Variants in POLA2 observed in about 807,000 individuals in gnomAD.
The protein encoded by POLA2 is DNA polymerase alpha subunit B.
Under a neutral mutation model 82.8 loss-of-function variants are expected in POLA2, and 47 were observed. The ratio of observed to expected loss-of-function variants is 0.57; its 90% CI spans 0.45 to 0.72. The LOEUF (loss-of-function observed/expected upper bound fraction) is 0.72. Among genes scored for constraint, POLA2 ranks in the 30% least tolerant of loss-of-function variants. The pLI is 0.00. For missense variants in POLA2, 634 were observed against 728.1 expected (o/e 0.87, Z 1.49); for synonymous variants, 287 against 286.8 (o/e 1.00, Z -0.01).
At chr11:65,287,147 G>C (rs1187935420) in intron 10 of POLA2, among the ~76,000 whole-genome samples, 1 of 152,158 alleles carries the variant, frequency 6.6e-6, no homozygotes, top group Non-Finnish European at 1.5e-5. Context: ...ACTGCCTTGT[G>C]GAGGGATGGG....
chr11:65,300,587 T>G (rs201940258), downstream of POLA2, among the ~76,000 whole-genome samples: 14 of 149,842 alleles, frequency 9.3e-5, no homozygotes, highest in Non-Finnish European at 1.6e-4. Flanking sequence ...TTGTTTGTTT[T>G]TTTGTTTGTT....
At chr11:65,279,829 C>T (rs910970422) in intron 7 of POLA2, 1 of 531,854 alleles carries the variant, frequency 1.9e-6, no homozygotes, top group Non-Finnish European at 3.3e-6. Context: ...TGATTTTCTT[C>T]CCACTTGGAT....
downstream of POLA2, among the ~76,000 whole-genome samples, chr11:65,302,930 T>C (rs1317718280): frequency 6.6e-6 from 1 of 151,962 alleles, no homozygotes; most frequent in East Asian, 1.9e-4. Context: ...TTCGCCACGT[T>C]GCCCAGGCCA....
Position 65,295,943 on chromosome 11 carries a change from A to T in POLA2, c.1600A>T (p.Thr534Ser), listed in dbSNP as rs1391128088. Residue 534 changes from threonine to serine, a missense_variant, in exon 17 of 18, where the codon ACC (threonine) becomes TCC (serine). Transcript: ENST00000265465. ...CTATGTTTACGCACAGCTGCCTGTC[A>T]CCCCAGATGTCCTCATCATCCCGTC... ...SFYVYAQLPV[T>S]PDVLIIPSEL... The T allele has an allele frequency of 6.2e-7, 1 of 1,614,152 alleles. No homozygotes were observed. The highest frequency in any genetic ancestry group is 1.1e-5 in the South Asian group (1 of 91,088).
Position 65,281,157 on chromosome 11 carries a change from GAGGAGTTCCACC to G in POLA2, c.900+13_900+24del, listed in dbSNP as rs1565480500. 6.2e-7 allele frequency: 1 copy of G among 1,613,486 alleles called. No individual in the cohort carries two copies. The highest frequency in any genetic ancestry group is 1.1e-5 in the South Asian group (1 of 91,028). On this transcript the variant is annotated intron_variant, in intron 8 of 17. Coordinates refer to ENST00000265465, the MANE Select transcript of POLA2 (RefSeq NM_002689.4). ...TCTGTTTCCTGGACAGGTGAGATTG[GAGGAGTTCCACC>G]AGAATGCAGGCGCACTCTTTACCCC...
chr11:65,267,630 T>C lies in POLA2; in HGVS notation c.296+62T>C, dbSNP rs563420616. On this transcript the variant is annotated intron_variant, in intron 3 of 17. Transcript: ENST00000265465. ...CATGTTGTATTTTATAATTTGTCTG[T>C]AGTCGCATGTGTAATTTAAAAACAA... 570 of 1,088,034 alleles carry C rather than the reference T, an allele frequency of 5.2e-4. 2 individuals carry two copies. The Middle Eastern group carries it at 0.011, about 22-fold the overall frequency. 67.4% of individuals were successfully genotyped at this position (1,088,034 alleles called of 1,614,324 possible). A position where few individuals can be genotyped will look rare whatever the true frequency, so the allele number is the denominator to read the frequency against.
intron 10 of POLA2, among the ~76,000 whole-genome samples, chr11:65,286,779 G>T (rs552622638): frequency 3.0e-4 from 45 of 152,194 alleles, no homozygotes; most frequent in Admixed American, 2.8e-3. Flanking sequence ...AAGAAGCCAG[G>T]GATCTTTGGA....
At chr11:65,290,890 G>C (rs1226147479) in intron 13 of POLA2, among the ~76,000 whole-genome samples, 4 of 152,216 alleles carry the variant, frequency 2.6e-5, no homozygotes, top group Admixed American at 6.5e-5. Flanking sequence ...GCTTCCCCAG[G>C]GTGCGTGGGA....
chr11:65,290,540 A>G (rs1166185189), intron 13 of POLA2, among the ~76,000 whole-genome samples: 5 of 152,174 alleles, frequency 3.3e-5, no homozygotes, highest in Non-Finnish European at 4.4e-5. Flanking sequence ...CCTTTTCCAA[A>G]AAAAAATCAT....
intron 11 of POLA2, among the ~76,000 whole-genome samples, chr11:65,288,807 C>T (rs1017836554): frequency 1.1e-4 from 17 of 152,134 alleles, no homozygotes; most frequent in East Asian, 1.9e-4. Context: ...GATGTGAGCC[C>T]AGTGTTATAG....
chr11:65,298,998 G>T (rs1949842158), downstream of POLA2, among the ~76,000 whole-genome samples: 1 of 152,244 alleles, frequency 6.6e-6, no homozygotes. Flanking sequence ...GAGCAGACAG[G>T]TCTGGCAGGC....
intron 13 of POLA2, among the ~76,000 whole-genome samples, chr11:65,292,410 A>G (rs1347396603): frequency 6.6e-6 from 1 of 152,182 alleles, no homozygotes; most frequent in African/African-American, 2.4e-5. Context: ...GGCGCTTTCT[A>G]ACCATGAGCA....
chr11:65,272,304 A>G (rs571575053), intron 4 of POLA2, among the ~76,000 whole-genome samples: 3 of 152,080 alleles, frequency 2.0e-5, no homozygotes, highest in Admixed American at 6.5e-5. Flanking sequence ...GTGAGACTCC[A>G]TCTCAAAAAA....
chr11:65,280,054 T>C (rs1282402053), intron 7 of POLA2: 1 of 160,246 alleles, frequency 6.2e-6, no homozygotes, highest in African/African-American at 2.4e-5. Flanking sequence ...CTGCCAATAG[T>C]ATCTTTATAT....
chr11:65,304,303 C>A (rs1233806674), intron 8 of POLA2, among the ~76,000 whole-genome samples: 3 of 152,012 alleles, frequency 2.0e-5, no homozygotes, highest in Non-Finnish European at 2.9e-5. Context: ...TTCCATCCAC[C>A]CACCCACCCA....
intron 8 of POLA2, among the ~76,000 whole-genome samples, chr11:65,304,504 T>G (rs1231609574): frequency 6.7e-6 from 1 of 149,518 alleles, no homozygotes; most frequent in Non-Finnish European, 1.5e-5. Context: ...GCACACACTC[T>G]GGGGGACTGG....
At chr11:65,263,123 T>C (rs977540467) in intron 1 of POLA2, among the ~76,000 whole-genome samples, 22 of 152,146 alleles carry the variant, frequency 1.4e-4, no homozygotes, top group African/African-American at 5.1e-4. Context: ...GAACTTCTTA[T>C]ATACAAAAAG....
intron 10 of POLA2, among the ~76,000 whole-genome samples, chr11:65,284,535 T>G (rs919313387): frequency 5.3e-5 from 8 of 151,142 alleles, no homozygotes; most frequent in African/African-American, 1.9e-4. Flanking sequence ...TTTTTTTCTT[T>G]TTTTTTTTTT....
intron 10 of POLA2, among the ~76,000 whole-genome samples, chr11:65,283,760 C>T (rs1230065263): frequency 1.3e-5 from 2 of 152,070 alleles, no homozygotes; most frequent in Non-Finnish European, 2.9e-5. Flanking sequence ...AGGCATGAGC[C>T]ACCATGCCCG....
Sources: allele counts gnomAD v4.1 joint callset (sites outside exome capture counted in the v4.1 genomes callset), GRCh38; gene constraint gnomAD v4.1.1; transcripts MANE v1.5; gene names NCBI Gene and HGNC (gene_info 2026-07-23, HGNC 2026-07-21).